Variants in DNTTIP1 observed in about 807,000 individuals in gnomAD.
DNTTIP1 encodes deoxynucleotidyltransferase terminal interacting protein 1.
In DNTTIP1, 22 loss-of-function variants were observed where a neutral mutation model predicts 52.9. That is an observed-to-expected ratio of 0.42 (90% confidence interval 0.30 to 0.59). The LOEUF (loss-of-function observed/expected upper bound fraction) is 0.59, where lower values mean the gene tolerates loss of function less well. Ranked by LOEUF, DNTTIP1 falls within the 20% of genes least tolerant of loss-of-function variation. The pLI is 0.22. For synonymous variants in DNTTIP1, 136 were observed against 155.1 expected (o/e 0.88, Z 0.92); for missense variants, 286 against 435.5 (o/e 0.66, Z 3.06).
At position 45,801,109 on chromosome 20, in the gene DNTTIP1, A is replaced by G. The variant is rs1232394950; in HGVS notation, c.408A>G (p.Ile136Met). The change falls in exon 5 of 13, where the codon ATA becomes ATG. Residue 136 changes from isoleucine to methionine, a missense_variant. Physicochemically the swap from Ile to Met is conservative, Grantham distance 10 (BLOSUM62 1). Transcript: ENST00000372622. ...TCTTTTCAGATGGAGAAAAAGTAAT[A>G]CCCAGATTGACCCATGAGCTTCCAG... is the stretch of plus-strand genomic sequence containing the variant. Reference protein sequence around the residue: ...KLLFSDGEKVIPRLTHELPGI... With the variant: ...KLLFSDGEKVMPRLTHELPGI... 1.9e-6 allele frequency: 3 copies of G among 1,613,856 alleles called. No homozygotes were observed. The East Asian group carries it at 6.7e-5, about 36-fold the overall frequency.
chr20:45,798,592 T>G (rs1981322997), intron 4 of DNTTIP1, among the ~76,000 whole-genome samples: 1 of 152,222 alleles, frequency 6.6e-6, no homozygotes, highest in African/African-American at 2.4e-5. Flanking sequence ...ATACTCTGGC[T>G]GTTCTGAACT....
At position 45,809,044 on chromosome 20, in the gene DNTTIP1, T is replaced by C. The variant is rs1981741200; in HGVS notation, c.724-70T>C. The C allele has an allele frequency of 7.4e-7, 1 of 1,358,356 alleles. No homozygotes were observed. Among genetic ancestry groups the C allele is most frequent in the African/African-American group, 1.4e-5 (1 of 70,024 alleles). The allele number at this position is 1,358,356 out of a possible 1,614,324, so 84.1% of individuals were successfully genotyped here. ...GTAAGAACTGCTCAAGGGCCAAGAG[T>C]ATGCTCTGGGACCAAATGAGAAAAG... On this transcript the variant is annotated intron_variant, in intron 10 of 12. Coordinates refer to ENST00000372622, the MANE Select transcript of DNTTIP1 (RefSeq NM_052951.3). This position sits in a 1 kb window ranked among gnomAD's most constrained non-coding sequence, Gnocchi z 4.2.
chr20:45,808,891 T>A (rs1245486567), intron 10 of DNTTIP1, among the ~76,000 whole-genome samples: 1 of 151,498 alleles, frequency 6.6e-6, no homozygotes, highest in African/African-American at 2.4e-5. Context: ...GAGAAGGGGG[T>A]GGGGATTGGG....
chr20:45,801,317 A>G, intron 5 of DNTTIP1, 85 bp from the exon 6 acceptor site: 1 of 1,503,660 alleles, frequency 6.7e-7, no homozygotes, highest in South Asian at 1.1e-5. Context: ...GGAGAGCTGT[A>G]GTCCAGGGCT....
In DNTTIP1 at chr20:45,803,425, C is replaced by G. The variant is rs1981538049; in HGVS notation, c.603+47C>G. 3.8e-6 allele frequency: 6 copies of G among 1,597,822 alleles called. No individual in the cohort carries two copies. In the East Asian group the frequency reaches 1.1e-4, roughly 30 times the overall value. On this transcript the variant is annotated intron_variant, in intron 8 of 12. Coordinates refer to ENST00000372622, the MANE Select transcript of DNTTIP1 (RefSeq NM_052951.3). ...AGAGATCACGATCCCAGGAGATAGT[C>G]CCACTATCTCTAGGACCCACCATGA...
At chr20:45,792,651 G>C (rs1374903168) in intron 1 of DNTTIP1, 26 bp from the exon 2 acceptor site, 3 of 1,568,076 alleles carry the variant, frequency 1.9e-6, no homozygotes, top group Middle Eastern at 1.7e-4. Context: ...AGGCCGCAGT[G>C]ACATTTGTTC....
chr20:45,795,508 G>A, intron 4 of DNTTIP1, 65 bp downstream of exon 4: 2 of 1,031,732 alleles, frequency 1.9e-6, no homozygotes, highest in East Asian at 2.7e-5. Context: ...GATAAGAAAT[G>A]CGATCTTAAG....
Position 45,808,791 on chromosome 20 carries a change from G to A in DNTTIP1, c.724-323G>A, listed in dbSNP as rs112027651. On this transcript the variant is annotated intron_variant, in intron 10 of 12. Coordinates refer to ENST00000372622, the MANE Select transcript of DNTTIP1 (RefSeq NM_052951.3). Reference sequence around the variant, plus strand: ...TATGGTCACCATAATAATTACAGACGTTATAAGCCACCTCCGATCATTTTT... The same window carrying A: ...TATGGTCACCATAATAATTACAGACATTATAAGCCACCTCCGATCATTTTT... Among the ~76,000 whole-genome samples the A allele has an allele frequency of 9.0e-3, 1,376 of 152,242 alleles. 9 individuals are homozygous for A. Among genetic ancestry groups the A allele is most frequent in the East Asian group, 0.017 (89 of 5,186 alleles).
rs145623445 is a variant in DNTTIP1 at position 45,796,868 on chromosome 20, G to A, written c.372+1425G>A. On this transcript the variant is annotated intron_variant, in intron 4 of 12. Coordinates refer to ENST00000372622, the MANE Select transcript of DNTTIP1 (RefSeq NM_052951.3). ...CATCTGTCACAATGGATCATTTCGCGTTTCTTGGAATGCTCCTCTGTTGGC... is the reference window on the plus strand; with the variant it reads ...CATCTGTCACAATGGATCATTTCGCATTTCTTGGAATGCTCCTCTGTTGGC... Among the ~76,000 whole-genome samples the A allele has an allele frequency of 2.0e-3, 311 of 152,146 alleles. 1 individual carries two copies. The highest frequency in any genetic ancestry group is 6.1e-3 in the Admixed American group (93 of 15,296).
intron 10 of DNTTIP1, among the ~76,000 whole-genome samples, chr20:45,807,715 G>C (rs532345368): frequency 4.1e-4 from 63 of 152,244 alleles, no homozygotes; most frequent in African/African-American, 1.4e-3. Context: ...GGGAGCCCGA[G>C]GCAGGCGGGT....
At chr20:45,801,314 T>C in intron 5 of DNTTIP1, 88 bp from the exon 6 acceptor site, 1 of 1,497,616 alleles carries the variant, frequency 6.7e-7, no homozygotes, top group Non-Finnish European at 9.3e-7. Flanking sequence ...GCTGGAGAGC[T>C]GTAGTCCAGG....
At chr20:45,794,049 A>G in intron 3 of DNTTIP1, 32 bp downstream of exon 3, 1 of 1,457,486 alleles carries the variant, frequency 6.9e-7, no homozygotes, top group Non-Finnish European at 9.4e-7. Context: ...AAATAACAGG[A>G]GAAAGACTCA....
chr20:45,805,997 G>A (rs1287182755), intron 10 of DNTTIP1, among the ~76,000 whole-genome samples: 1 of 151,600 alleles, frequency 6.6e-6, no homozygotes, highest in Non-Finnish European at 1.5e-5. Context: ...CAGGAGAATC[G>A]CTTGAACCCA....
At chr20:45,794,197 G>A (rs895482325) in intron 3 of DNTTIP1, among the ~76,000 whole-genome samples, 180 bp downstream of exon 3, 1 of 152,148 alleles carries the variant, frequency 6.6e-6, no homozygotes, top group African/African-American at 2.4e-5. Context: ...CACCCAGGCT[G>A]GAGTGCAGTG....
intron 10 of DNTTIP1, among the ~76,000 whole-genome samples, chr20:45,805,995 T>A (rs1465961250): frequency 2.6e-5 from 4 of 151,412 alleles, no homozygotes; most frequent in Admixed American, 1.3e-4. Context: ...GGCAGGAGAA[T>A]CGCTTGAACC....
chr20:45,801,352 G>GCAGCTCC, intron 5 of DNTTIP1, 50 bp from the exon 6 acceptor site: 4 of 1,603,868 alleles, frequency 2.5e-6, no homozygotes, highest in Non-Finnish European at 3.4e-6. Context: ...CAGAAGACCT[G>GCAGCTCC]CAGCTCCCAG....
Position 45,797,924 on chromosome 20 carries a change from C to T in DNTTIP1, c.372+2481C>T, listed in dbSNP as rs866106209. 7.2e-5 allele frequency among the ~76,000 whole-genome samples: 11 copies of T among 152,260 alleles called. No homozygotes were observed. The Middle Eastern group carries it at 0.017, about 235-fold the overall frequency. ...TCAACCATTGTGGAAGTCAGTGTGG[C>T]GATTCCTCAGGGATCTAGAACTAGA... is the stretch of plus-strand genomic sequence containing the variant. On this transcript the variant is annotated intron_variant, in intron 4 of 12. Coordinates refer to ENST00000372622, the MANE Select transcript of DNTTIP1 (RefSeq NM_052951.3).
chr20:45,810,565 T>C (rs1981789029), intron 11 of DNTTIP1, among the ~76,000 whole-genome samples: 1 of 94,700 alleles, frequency 1.1e-5, no homozygotes, highest in East Asian at 3.0e-4. Context: ...CCCTTTTTTT[T>C]TCTTTTTTTC....
Position 45,801,950 on chromosome 20 carries a change from T to G in DNTTIP1, c.499-49T>G, listed in dbSNP as rs745359179. Reference sequence around the variant, plus strand: ...TGACCCTGGACCTGCCAATGGGGTATGGGGAGTAACCACAGGGTCAGACCT... The same window carrying G: ...TGACCCTGGACCTGCCAATGGGGTAGGGGGAGTAACCACAGGGTCAGACCT... On this transcript the variant is annotated intron_variant, in intron 6 of 12. Transcript: ENST00000372622. The G allele has an allele frequency of 2.2e-5, 35 of 1,583,338 alleles. No individual in the cohort carries two copies. In the Admixed American group the frequency reaches 5.8e-4, roughly 26 times the overall value.
Sources: allele counts gnomAD v4.1 joint callset (sites outside exome capture counted in the v4.1 genomes callset), GRCh38; gene constraint gnomAD v4.1.1; non-coding constraint Gnocchi (gnomAD v3.1); transcripts MANE v1.5; gene names NCBI Gene and HGNC (gene_info 2026-07-23, HGNC 2026-07-21).